PRKG1: variants seen among roughly 807,000 people sequenced by gnomAD.
The protein encoded by PRKG1 is protein kinase cGMP-dependent 1, also known as cGMP-dependent protein kinase 1.
A neutral mutation model predicts 88.1 loss-of-function variants in PRKG1; 35 were observed. The observed-to-expected ratio is 0.40, with a 90% confidence interval of 0.30 to 0.53. The LOEUF (loss-of-function observed/expected upper bound fraction) is 0.53. Among genes scored for constraint, PRKG1 ranks in the 20% least tolerant of loss-of-function variants. The probability of loss-of-function intolerance (pLI) is 0.59; values close to 1 mark genes in which losing one functional copy is unlikely to be tolerated. For synonymous variants in PRKG1, 303 were observed against 292.5 expected, an observed-to-expected ratio of 1.04 and a Z score of -0.37; for missense variants, 540 against 839.8, an observed-to-expected ratio of 0.64 and a Z score of 4.41.
chr10:51,143,380 C>A (rs1407686313), intron 1 of PRKG1, among the ~76,000 whole-genome samples: 1 of 152,012 alleles, frequency 6.6e-6, no homozygotes, highest in East Asian at 1.9e-4. Context: ...TTCATTCATG[C>A]ATTGATGGAC....
At chr10:52,089,196 C>T (rs1222730833) in intron 7 of PRKG1, among the ~76,000 whole-genome samples, 1 of 152,060 alleles carries the variant, frequency 6.6e-6, no homozygotes, top group Non-Finnish European at 1.5e-5. Context: ...AACTGGGTAA[C>T]TTGACTTTTA....
intron 5 of PRKG1, among the ~76,000 whole-genome samples, chr10:52,000,237 G>T (rs1240585199): frequency 1.3e-5 from 2 of 151,902 alleles, no homozygotes; most frequent in African/African-American, 4.8e-5. Context: ...GGCAGGAGAG[G>T]ATAAGTGCTA....
rs1842423307 is a variant in PRKG1 at position 52,298,268 on chromosome 10, T to C, written c.*4368T>C. The stretch of plus-strand genomic sequence containing the variant: ...CATAAATTTACCTGCTTTGATTTGC[T>C]CTGTATTTTTCCTGCAGCTGTAATT... On this transcript the variant is annotated 3_prime_UTR_variant, in exon 18 of 18. Coordinates refer to ENST00000373980, the MANE Select transcript of PRKG1 (RefSeq NM_006258.4). 6.6e-6 allele frequency: 1 copy of C among 151,786 alleles called. No individual in the cohort carries two copies. The highest frequency in any genetic ancestry group is 1.5e-5 in the Non-Finnish European group (1 of 67,972). 9.4% of individuals were successfully genotyped at this position (151,786 alleles called of 1,614,324 possible).
chr10:51,653,497 T>TTATA (rs1186125825), intron 3 of PRKG1, among the ~76,000 whole-genome samples: 1 of 152,178 alleles, frequency 6.6e-6, no homozygotes, highest in Non-Finnish European at 1.5e-5. Context: ...TATTGGCCAT[T>TTATA]TATATGTCTT....
chr10:52,017,083 G>T (rs1044584099), intron 5 of PRKG1, among the ~76,000 whole-genome samples: 2 of 152,056 alleles, frequency 1.3e-5, no homozygotes, highest in Non-Finnish European at 2.9e-5. Flanking sequence ...TGAAAAAGAG[G>T]GAGTGAAGGC....
At chr10:51,732,361 A>G (rs935954397) in intron 3 of PRKG1, among the ~76,000 whole-genome samples, 2 of 152,192 alleles carry the variant, frequency 1.3e-5, no homozygotes, top group Non-Finnish European at 2.9e-5. Flanking sequence ...GGCGAACACA[A>G]TTTAGGTCAT....
chr10:51,547,603 C>T (rs1161887128), intron 3 of PRKG1, among the ~76,000 whole-genome samples: 1 of 151,974 alleles, frequency 6.6e-6, no homozygotes, highest in Non-Finnish European at 1.5e-5. Context: ...CAAGTCCTTA[C>T]AGCAATTAGA....
intron 2 of PRKG1, among the ~76,000 whole-genome samples, chr10:51,218,540 G>T (rs1838437796): frequency 7.6e-6 from 1 of 132,314 alleles, no homozygotes; most frequent in Non-Finnish European, 1.6e-5. Flanking sequence ...TAAAATGTGT[G>T]TATTTGGCAT....
chr10:51,073,683 G>A (rs1044104670), upstream of PRKG1, among the ~76,000 whole-genome samples: 6 of 152,162 alleles, frequency 3.9e-5, no homozygotes, highest in Non-Finnish European at 7.3e-5. Context: ...TCTGGAGCAG[G>A]CGAAGAGTAG....
At chr10:52,046,525 G>A (rs1845867289) in intron 5 of PRKG1, among the ~76,000 whole-genome samples, 1 of 152,042 alleles carries the variant, frequency 6.6e-6, no homozygotes, top group African/African-American at 2.4e-5. Context: ...ATTACAATAT[G>A]ACAGACACTG....
intron 13 of PRKG1, 138 bp downstream of exon 13, chr10:52,281,068 A>G: frequency 1.0e-6 from 1 of 996,162 alleles, no homozygotes; most frequent in Admixed American, 3.0e-5. Flanking sequence ...TTAGCATTAC[A>G]CTTTTCAACT....
At chr10:51,722,323 T>G (rs192276985) in intron 3 of PRKG1, among the ~76,000 whole-genome samples, 2,351 of 152,222 alleles carry the variant, frequency 0.015, 69 homozygotes, top group African/African-American at 0.053. Context: ...ATTGTTATAA[T>G]TTAAACTGTG....
intron 9 of PRKG1, among the ~76,000 whole-genome samples, chr10:52,190,327 G>C (rs945730291): frequency 6.6e-6 from 1 of 152,036 alleles, no homozygotes; most frequent in Admixed American, 6.6e-5. Context: ...AATGTATTCT[G>C]TTAAAACAGA....
intron 3 of PRKG1, among the ~76,000 whole-genome samples, chr10:51,571,811 A>G (rs1176259840): frequency 6.6e-6 from 1 of 151,896 alleles, no homozygotes; most frequent in Non-Finnish European, 1.5e-5. Flanking sequence ...TAGTACCTTA[A>G]TCAGATGATG....
intron 1 of PRKG1, among the ~76,000 whole-genome samples, chr10:50,996,795 G>C (rs1359282506): frequency 6.6e-6 from 1 of 152,152 alleles, no homozygotes; most frequent in Non-Finnish European, 1.5e-5. Context: ...TTGATTACTG[G>C]CTGATAATAT....
chr10:51,276,714 A>T (rs545709562), intron 2 of PRKG1, among the ~76,000 whole-genome samples: 3 of 152,320 alleles, frequency 2.0e-5, no homozygotes, highest in Non-Finnish European at 4.4e-5. Flanking sequence ...TCTGATGACC[A>T]GTGATGATGA....
intron 2 of PRKG1, among the ~76,000 whole-genome samples, chr10:51,360,464 C>A (rs1564461316): frequency 6.6e-6 from 1 of 151,958 alleles, no homozygotes; most frequent in Non-Finnish European, 1.5e-5. Flanking sequence ...CAAGTTCTAG[C>A]TCTGCCTCTT....
At chr10:51,645,505 T>C (rs1239329870) in intron 3 of PRKG1, among the ~76,000 whole-genome samples, 5 of 152,176 alleles carry the variant, frequency 3.3e-5, no homozygotes, top group African/African-American at 1.2e-4. Flanking sequence ...ATTATGTGAA[T>C]ATATTAGTGA....
chr10:52,104,468 T>C (rs1314649896), intron 7 of PRKG1, among the ~76,000 whole-genome samples: 1 of 152,010 alleles, frequency 6.6e-6, no homozygotes, highest in Non-Finnish European at 1.5e-5. Flanking sequence ...AAATGACAGT[T>C]ATCATTTGCT....
Sources: allele counts gnomAD v4.1 joint callset (sites outside exome capture counted in the v4.1 genomes callset), GRCh38; gene constraint gnomAD v4.1.1; transcripts MANE v1.5; gene names NCBI Gene and HGNC (gene_info 2026-07-23, HGNC 2026-07-21).